GPC5: variants seen among roughly 807,000 people sequenced by gnomAD.
The protein encoded by GPC5 is glypican-5.
GPC5 carries 47 observed loss-of-function variants against 53.9 expected under a neutral mutation model. The ratio of observed to expected loss-of-function variants is 0.87; its 90% CI spans 0.69 to 1.11. The LOEUF (loss-of-function observed/expected upper bound fraction) is 1.11, where lower values mean the gene tolerates loss of function less well. GPC5 is among the 50% of genes most tolerant of loss of function. The probability of loss-of-function intolerance (pLI) is 0.00; values close to 1 mark genes in which losing one functional copy is unlikely to be tolerated. For missense variants in GPC5, 748 were observed against 713.1 expected, an observed-to-expected ratio of 1.05 and a Z score of -0.56; for synonymous variants, 286 against 263.3, an observed-to-expected ratio of 1.09 and a Z score of -0.84.
At chr13:92,817,033 C>T (rs1877500800) in intron 7 of GPC5, among the ~76,000 whole-genome samples, 2 of 151,882 alleles carry the variant, frequency 1.3e-5, no homozygotes, top group African/African-American at 4.9e-5. Flanking sequence ...TCACCTAGTA[C>T]CTGCTTGAAG....
intron 2 of GPC5, among the ~76,000 whole-genome samples, chr13:91,687,370 T>C (rs1337026857): frequency 6.6e-6 from 1 of 152,032 alleles, no homozygotes. Context: ...TTAATAAATT[T>C]TCTCTAAAAG....
chr13:92,758,267 G>C (rs1301247838), intron 7 of GPC5, among the ~76,000 whole-genome samples: 1 of 149,422 alleles, frequency 6.7e-6, no homozygotes, highest in South Asian at 2.1e-4. Context: ...TCATTCATAG[G>C]TGGGAATTGA....
rs183084428 is a variant in GPC5 at position 91,514,685 on chromosome 13, A to T, written c.325+65763A>T. On this transcript the variant is annotated intron_variant, in intron 2 of 7. Transcript: ENST00000377067. ...AATATTTTAAAGAAAAGTCTTTCAA[A>T]ATATGTACAATATTATACTTATCTC... 8.5e-4 allele frequency among the ~76,000 whole-genome samples: 129 copies of T among 152,280 alleles called. 1 individual carries two copies. The highest frequency in any genetic ancestry group is 2.9e-3 in the African/African-American group (122 of 41,574).
intron 2 of GPC5, among the ~76,000 whole-genome samples, chr13:91,461,565 A>G (rs1205370271): frequency 1.3e-5 from 2 of 152,176 alleles, no homozygotes; most frequent in South Asian, 2.1e-4. Flanking sequence ...CTAGGCTACA[A>G]TTAATGAGGA....
intron 7 of GPC5, among the ~76,000 whole-genome samples, chr13:92,579,707 T>C (rs1354331932): frequency 2.0e-5 from 3 of 152,154 alleles, no homozygotes; most frequent in Non-Finnish European, 4.4e-5. Flanking sequence ...CCTTTTATTA[T>C]TTCTGTCTTT....
intron 2 of GPC5, among the ~76,000 whole-genome samples, chr13:91,614,964 T>C (rs2033655576): frequency 6.6e-6 from 1 of 152,212 alleles, no homozygotes; most frequent in South Asian, 2.1e-4. Context: ...CATCTATTCA[T>C]GTACTCAATG....
intron 2 of GPC5, among the ~76,000 whole-genome samples, chr13:91,639,828 G>T (rs2034378245): frequency 6.6e-6 from 1 of 152,148 alleles, no homozygotes; most frequent in South Asian, 2.1e-4. Flanking sequence ...TTTCAATCTT[G>T]ATACAACCCT....
intron 2 of GPC5, among the ~76,000 whole-genome samples, chr13:91,517,096 A>G (rs933959857): frequency 1.3e-5 from 2 of 152,030 alleles, no homozygotes; most frequent in African/African-American, 2.4e-5. Flanking sequence ...GCCTGGAGAC[A>G]TTTTCCCCAT....
intron 7 of GPC5, among the ~76,000 whole-genome samples, chr13:92,566,830 T>C (rs972723014): frequency 5.9e-5 from 9 of 152,086 alleles, no homozygotes; most frequent in Non-Finnish European, 1.0e-4. Context: ...TGCCAAAAAA[T>C]GTAAATAATA....
chr13:91,584,114 G>A (rs2032471864), intron 2 of GPC5, among the ~76,000 whole-genome samples: 1 of 152,186 alleles, frequency 6.6e-6, no homozygotes, highest in Non-Finnish European at 1.5e-5. Flanking sequence ...ACAGGGAGAA[G>A]ATGGCCATCT....
intron 7 of GPC5, among the ~76,000 whole-genome samples, chr13:92,148,393 G>A (rs115675703): frequency 6.6e-6 from 1 of 151,966 alleles, no homozygotes; most frequent in Non-Finnish European, 1.5e-5. Context: ...GTGTCATTTT[G>A]TCTTCATCAC....
intron 2 of GPC5, among the ~76,000 whole-genome samples, chr13:91,591,549 T>C (rs1221853985): frequency 6.6e-6 from 1 of 152,222 alleles, no homozygotes; most frequent in Non-Finnish European, 1.5e-5. Flanking sequence ...TTGCTTATTC[T>C]GTCTCCTTTC....
At chr13:92,164,925 C>T (rs1395324557) in intron 7 of GPC5, among the ~76,000 whole-genome samples, 2 of 152,354 alleles carry the variant, frequency 1.3e-5, no homozygotes, top group East Asian at 1.9e-4. Flanking sequence ...GCTTGGGGTT[C>T]GCACCCTCTG....
At chr13:92,532,993 T>A (rs1881613937) in intron 7 of GPC5, among the ~76,000 whole-genome samples, 1 of 152,174 alleles carries the variant, frequency 6.6e-6, no homozygotes, top group Non-Finnish European at 1.5e-5. Context: ...CCTTTCTATA[T>A]GACAGTCTCA....
At chr13:92,780,978 T>C (rs1876005326) in intron 7 of GPC5, among the ~76,000 whole-genome samples, 1 of 152,066 alleles carries the variant, frequency 6.6e-6, no homozygotes, top group Non-Finnish European at 1.5e-5. Context: ...TAGTAGACAT[T>C]ACAAAATCTA....
intron 7 of GPC5, among the ~76,000 whole-genome samples, chr13:92,776,977 T>G (rs1277225578): frequency 1.5e-5 from 2 of 134,088 alleles, no homozygotes; most frequent in Admixed American, 1.8e-4. Flanking sequence ...GAGCCAAGAT[T>G]GCACCACTGC....
At chr13:91,414,577 G>A (rs1878044204) in intron 1 of GPC5, among the ~76,000 whole-genome samples, 1 of 152,160 alleles carries the variant, frequency 6.6e-6, no homozygotes, top group South Asian at 2.1e-4. Context: ...GCATCTCAAG[G>A]GACAATGAAG....
In GPC5 at chr13:91,754,676, A is replaced by G. The variant is rs372320864; in HGVS notation, c.1155-1619A>G. Among the ~76,000 whole-genome samples the G allele has an allele frequency of 5.3e-5, 8 of 152,296 alleles. No individual in the cohort carries two copies. The South Asian group carries it at 1.7e-3, about 32-fold the overall frequency. ...TTAAATCCCACCTTTCTAAAAAAGAATTAGTCTGCTTCCTCAATTATGTTT... is the reference window on the plus strand; with the variant it reads ...TTAAATCCCACCTTTCTAAAAAAGAGTTAGTCTGCTTCCTCAATTATGTTT... On this transcript the variant is annotated intron_variant, in intron 4 of 7. Coordinates refer to ENST00000377067, the MANE Select transcript of GPC5 (RefSeq NM_004466.6).
intron 5 of GPC5, among the ~76,000 whole-genome samples, chr13:91,778,422 A>G (rs1454912726): frequency 6.6e-6 from 1 of 152,170 alleles, no homozygotes; most frequent in Non-Finnish European, 1.5e-5. Context: ...AATAATTTCC[A>G]GGGCTTTTCC....
Sources: gnomAD v4.1 joint callset for allele counts (sites outside exome capture counted in the v4.1 genomes callset) on GRCh38, gnomAD v4.1.1 for gene constraint, MANE v1.5 for transcripts, NCBI Gene and HGNC (gene_info 2026-07-23, HGNC 2026-07-21) for gene names.